The following PSMA1 variants were observed in gnomAD, a reference collection of about 807,000 sequenced individuals.
PSMA1 encodes the protein proteasome subunit alpha type-1.
In PSMA1, 3 loss-of-function variants were observed where a neutral mutation model predicts 38.4. The observed-to-expected ratio is 0.08, with a 90% confidence interval of 0.04 to 0.20. PSMA1 has a LOEUF of 0.20. PSMA1 is among the 10% of genes least tolerant of loss of function. The pLI is 1.00. For synonymous variants in PSMA1, 101 were observed against 107.1 expected (o/e 0.94, Z 0.35); for missense variants, 227 against 325.3 (o/e 0.70, Z 2.32).
intron 2 of PSMA1, among the ~76,000 whole-genome samples, chr11:14,541,571 C>T (rs1364562685): frequency 6.6e-6 from 1 of 152,188 alleles, no homozygotes; most frequent in Admixed American, 6.5e-5. Flanking sequence ...ATTGGCAGGG[C>T]TCTGGAGCCT....
chr11:14,539,864 GA>G (rs546158863), intron 2 of PSMA1, among the ~76,000 whole-genome samples: 474 of 119,232 alleles, frequency 4.0e-3, no homozygotes, highest in Non-Finnish European at 7.0e-3. Context: ...AACAAACAAA[GA>G]AAAAAAAAAC....
upstream of PSMA1, among the ~76,000 whole-genome samples, chr11:14,522,468 C>A (rs74882059): frequency 1.6e-3 from 238 of 152,218 alleles, 6 homozygotes; most frequent in East Asian, 0.042. Flanking sequence ...AAAGTTATAT[C>A]CATTTAATAT....
At chr11:14,596,637 A>G (rs1852498245) in intron 2 of PSMA1, among the ~76,000 whole-genome samples, 1 of 152,150 alleles carries the variant, frequency 6.6e-6, no homozygotes, top group South Asian at 2.1e-4. Context: ...GCTTAAGGAG[A>G]TTTTGGGCTG....
intron 2 of PSMA1, among the ~76,000 whole-genome samples, chr11:14,542,494 C>G (rs928640320): frequency 6.6e-6 from 1 of 152,204 alleles, no homozygotes; most frequent in African/African-American, 2.4e-5. Context: ...TTTCCTTCCC[C>G]TATTGTGTCA....
chr11:14,576,660 A>C (rs1215626117), intron 2 of PSMA1, among the ~76,000 whole-genome samples: 2 of 152,252 alleles, frequency 1.3e-5, no homozygotes, highest in East Asian at 1.9e-4. Context: ...GGTTCCAGTG[A>C]CATGCTGTTT....
At position 14,517,647 on chromosome 11, in the gene PSMA1, C is replaced by G. The variant is rs1199735244; in HGVS notation, c.249G>C (p.Leu83=). The part of the protein sequence containing the change: ...SIAGLTADAR[L]LCNFMRQECL... ...TTTTTCATGATTATACTTACCATAA[C>G]AGTCTAGCATCAGCAGTAAGCCCCG... is the stretch of plus-strand genomic sequence containing the variant. The change falls in exon 4 of 10, where the codon CTG becomes CTC. Residue 83 remains leucine, a synonymous_variant. Coordinates refer to ENST00000396394, the MANE Select transcript of PSMA1 (RefSeq NM_002786.4). 2.5e-6 allele frequency: 4 copies of G among 1,573,946 alleles called. No homozygotes were observed. The Admixed American group carries it at 5.9e-5, about 23-fold the overall frequency.
At chr11:14,512,238 G>C (rs988228137) in intron 7 of PSMA1, among the ~76,000 whole-genome samples, 1 of 152,114 alleles carries the variant, frequency 6.6e-6, no homozygotes, top group African/African-American at 2.4e-5. Context: ...GCCAGGCGTG[G>C]TGGCGCATGC....
intron 2 of PSMA1, among the ~76,000 whole-genome samples, chr11:14,598,640 G>C (rs1049283599): frequency 2.7e-5 from 4 of 148,014 alleles, no homozygotes; most frequent in East Asian, 2.0e-4. Flanking sequence ...GTATGTCTCT[G>C]CACATAAGAT....
At chr11:14,526,476 G>A (rs561905925) in intron 2 of PSMA1, among the ~76,000 whole-genome samples, 3 of 152,268 alleles carry the variant, frequency 2.0e-5, no homozygotes, top group East Asian at 1.9e-4. Flanking sequence ...TCATGTCTCC[G>A]TGCAGTGGCT....
chr11:14,519,359 C>G (rs1851488665), intron 1 of PSMA1: 1 of 391,222 alleles, frequency 2.6e-6, no homozygotes, highest in Non-Finnish European at 4.9e-6. Context: ...TATGCTGCTC[C>G]CTTTTATTGG....
intron 2 of PSMA1, among the ~76,000 whole-genome samples, chr11:14,532,603 T>C (rs1001172229): frequency 7.5e-6 from 1 of 133,306 alleles, no homozygotes; most frequent in Non-Finnish European, 1.6e-5. Context: ...AGACTCCGTC[T>C]CAAAAAAAAA....
intron 2 of PSMA1, among the ~76,000 whole-genome samples, chr11:14,530,517 T>C (rs1851635797): frequency 6.6e-6 from 1 of 152,210 alleles, no homozygotes; most frequent in Admixed American, 6.5e-5. Flanking sequence ...GTCCTCACAT[T>C]AAATCAGGAG....
chr11:14,628,267 C>T (rs1040888540), intron 1 of PSMA1, among the ~76,000 whole-genome samples: 2 of 143,778 alleles, frequency 1.4e-5, no homozygotes, highest in Admixed American at 1.4e-4. Context: ...GCTGCACCCA[C>T]TAACTTGTCA....
intron 2 of PSMA1, among the ~76,000 whole-genome samples, chr11:14,526,489 C>T (rs1008856948): frequency 1.2e-4 from 18 of 152,154 alleles, no homozygotes; most frequent in East Asian, 3.8e-4. Context: ...CAGTGGCTGC[C>T]GCTGCCCTAA....
At chr11:14,594,223 T>C (rs1043527869) in intron 2 of PSMA1, among the ~76,000 whole-genome samples, 3 of 152,234 alleles carry the variant, frequency 2.0e-5, no homozygotes, top group African/African-American at 7.2e-5. Flanking sequence ...TCTTAAGTTT[T>C]TCTGTTACTG....
chr11:14,553,935 C>T (rs1851915479), intron 2 of PSMA1, among the ~76,000 whole-genome samples: 1 of 152,100 alleles, frequency 6.6e-6, no homozygotes, highest in African/African-American at 2.4e-5. Flanking sequence ...TACACTACCA[C>T]CAGCGATATA....
chr11:14,505,903 G>A (rs1851236571), intron 9 of PSMA1, among the ~76,000 whole-genome samples: 1 of 152,126 alleles, frequency 6.6e-6, no homozygotes, highest in Non-Finnish European at 1.5e-5. Context: ...CTACTTGGTG[G>A]CGCGGGGGAA....
chr11:14,569,335 A>G (rs766717464), intron 2 of PSMA1, among the ~76,000 whole-genome samples: 7 of 152,094 alleles, frequency 4.6e-5, no homozygotes, highest in Non-Finnish European at 1.0e-4. Context: ...TTTCCAACTG[A>G]GGTACCAGGT....
At chr11:14,562,847 C>T (rs1852025675) in intron 2 of PSMA1, among the ~76,000 whole-genome samples, 1 of 152,088 alleles carries the variant, frequency 6.6e-6, no homozygotes, top group East Asian at 1.9e-4. Context: ...GCTGGGATTA[C>T]AGGTGTGAGC....
Sources: gnomAD v4.1 joint callset for allele counts (sites outside exome capture counted in the v4.1 genomes callset) on GRCh38, gnomAD v4.1.1 for gene constraint, MANE v1.5 for transcripts, NCBI Gene and HGNC (gene_info 2026-07-23, HGNC 2026-07-21) for gene names.